The following KCNN3 variants were observed in gnomAD, a reference collection of about 807,000 sequenced individuals.
KCNN3 encodes potassium calcium-activated channel subfamily N member 3.
KCNN3 carries 16 observed loss-of-function variants against 62.9 expected under a neutral mutation model. That is an observed-to-expected ratio of 0.25 (90% CI 0.17 to 0.39). The LOEUF (loss-of-function observed/expected upper bound fraction) is 0.39. Among genes scored for constraint, KCNN3 ranks in the 10% least tolerant of loss-of-function variants. The probability of loss-of-function intolerance (pLI) is 1.00; values close to 1 mark genes in which losing one functional copy is unlikely to be tolerated. For synonymous variants in KCNN3, 370 were observed against 389.2 expected (o/e 0.95, Z 0.58); for missense variants, 599 against 949.4 (o/e 0.63, Z 4.85).
At chr1:154,777,224 C>T (rs1243791654) in intron 2 of KCNN3, among the ~76,000 whole-genome samples, 1 of 151,916 alleles carries the variant, frequency 6.6e-6, no homozygotes, top group African/African-American at 2.4e-5. Flanking sequence ...GACCCTCTTG[C>T]TCGCACCTCC....
chr1:154,713,462 A>G lies in KCNN3; in HGVS notation c.1899+2T>C. ...GGGATGTCTCCAGACACTGCCACTC[A>G]CCTTGGAAAGGTCCACCAGAGTGTT... On this transcript the variant is annotated splice_donor_variant, in intron 7 of 7. Coordinates refer to ENST00000271915, the MANE Select transcript of KCNN3 (RefSeq NM_002249.6). LOFTEE classifies it high-confidence loss of function. The G allele has an allele frequency of 6.2e-7, 1 of 1,612,606 alleles. No homozygotes were observed. Among genetic ancestry groups the G allele is most frequent in the Non-Finnish European group, 8.5e-7 (1 of 1,178,640 alleles).
intron 6 of KCNN3, among the ~76,000 whole-genome samples, chr1:154,714,161 T>A (rs866091665): frequency 1.8e-4 from 21 of 115,518 alleles, no homozygotes; most frequent in Admixed American, 7.3e-4. Flanking sequence ...GTATGTATGG[T>A]GTGTGTGATG....
At position 154,703,302 on chromosome 1, in the gene KCNN3, T is replaced by C. The variant is rs1557931687; in HGVS notation, c.*4674A>G. The C allele has an allele frequency of 1.3e-5, 2 of 152,154 alleles. No individual in the cohort carries two copies. Among genetic ancestry groups the C allele is most frequent in the African/African-American group, 2.4e-5 (1 of 41,426 alleles). The allele number at this position is 152,154 out of a possible 1,614,324, so 9.4% of individuals were successfully genotyped here. A position where few individuals can be genotyped will look rare whatever the true frequency, so the allele number is the denominator to read the frequency against. ...GATCCCATTTCCCTAATGTTTATTTTGGCGGCAGTAGAGAAGGAAAGGATA... is the reference window on the plus strand; with the variant it reads ...GATCCCATTTCCCTAATGTTTATTTCGGCGGCAGTAGAGAAGGAAAGGATA... On this transcript the variant is annotated 3_prime_UTR_variant, in exon 8 of 8. Coordinates refer to ENST00000271915, the MANE Select transcript of KCNN3 (RefSeq NM_002249.6).
chr1:154,777,620 T>A (rs552909542), intron 2 of KCNN3, among the ~76,000 whole-genome samples: 20 of 152,244 alleles, frequency 1.3e-4, no homozygotes, highest in Middle Eastern at 3.4e-3. Flanking sequence ...GGAACCAGGA[T>A]CTTGAGTAGC....
At chr1:154,762,553 G>A (rs538469008) in intron 3 of KCNN3, among the ~76,000 whole-genome samples, 1 of 151,944 alleles carries the variant, frequency 6.6e-6, no homozygotes, top group East Asian at 1.9e-4. Context: ...TGTATAATAG[G>A]GATATTTACC....
chr1:154,765,775 T>C (rs1648234453), intron 3 of KCNN3, among the ~76,000 whole-genome samples: 1 of 151,360 alleles, frequency 6.6e-6, no homozygotes, highest in Non-Finnish European at 1.5e-5. Context: ...GCACCACCAC[T>C]CCCGGCTAAT....
At chr1:154,845,928 C>T (rs1358700234) in intron 1 of KCNN3, among the ~76,000 whole-genome samples, 9 of 152,190 alleles carry the variant, frequency 5.9e-5, no homozygotes, top group Non-Finnish European at 8.8e-5. Context: ...CCTTCCCCAA[C>T]GCCCTACCAG....
intron 1 of KCNN3, among the ~76,000 whole-genome samples, chr1:154,861,275 C>T (rs1407656443): frequency 6.6e-6 from 1 of 152,062 alleles, no homozygotes; most frequent in Non-Finnish European, 1.5e-5. Flanking sequence ...AACTACCAAG[C>T]CTGGCCACCT....
At chr1:154,755,071 C>T (rs1331496889) in intron 3 of KCNN3, among the ~76,000 whole-genome samples, 2 of 152,180 alleles carry the variant, frequency 1.3e-5, no homozygotes, top group Admixed American at 1.3e-4. Context: ...GCTGCAGTAG[C>T]CTTTTTAGTC....
chr1:154,729,697 T>C (rs1006967838), intron 4 of KCNN3, among the ~76,000 whole-genome samples: 2 of 152,230 alleles, frequency 1.3e-5, no homozygotes, highest in Admixed American at 6.5e-5. Context: ...ACAGATTCCA[T>C]GCAACAACTA....
intron 3 of KCNN3, among the ~76,000 whole-genome samples, chr1:154,745,118 T>C (rs1055146207): frequency 3.9e-5 from 6 of 152,066 alleles, no homozygotes; most frequent in Admixed American, 3.3e-4. Context: ...TTTTCAAGAG[T>C]TGGCTTTGAA....
chr1:154,736,038 T>C (rs1191987264), intron 3 of KCNN3, among the ~76,000 whole-genome samples: 1 of 152,160 alleles, frequency 6.6e-6, no homozygotes, highest in Non-Finnish European at 1.5e-5. Context: ...AGAAATGTGG[T>C]TGAGGCAGTT....
chr1:154,844,331 T>C (rs1382348388), intron 1 of KCNN3, among the ~76,000 whole-genome samples: 2 of 152,238 alleles, frequency 1.3e-5, no homozygotes, highest in African/African-American at 4.8e-5. Flanking sequence ...TGTCCTTCTT[T>C]CATTAGACAT....
chr1:154,848,319 T>C (rs944968778), intron 1 of KCNN3, among the ~76,000 whole-genome samples: 1 of 152,162 alleles, frequency 6.6e-6, no homozygotes, highest in Admixed American at 6.5e-5. Context: ...ACAAGCTGCC[T>C]GCCTCCCCAG....
At chr1:154,863,224 A>C (rs1194708929) in intron 1 of KCNN3, among the ~76,000 whole-genome samples, 29 of 151,704 alleles carry the variant, frequency 1.9e-4, no homozygotes, top group Non-Finnish European at 1.5e-5. Context: ...GTGGAATGAC[A>C]GGGTCGGGGG....
chr1:154,865,346 G>A (rs1421570603), intron 1 of KCNN3, among the ~76,000 whole-genome samples: 2 of 150,728 alleles, frequency 1.3e-5, no homozygotes, highest in Non-Finnish European at 2.9e-5. Flanking sequence ...GAGTAAACCT[G>A]CCTATTAAAA....
At chr1:154,847,231 A>C (rs1652109920) in intron 1 of KCNN3, among the ~76,000 whole-genome samples, 1 of 150,760 alleles carries the variant, frequency 6.6e-6, no homozygotes. Flanking sequence ...GGGAGCCTGC[A>C]CATCTCTCCA....
chr1:154,713,237 G>A (rs1158582875), intron 7 of KCNN3, among the ~76,000 whole-genome samples: 2 of 152,128 alleles, frequency 1.3e-5, no homozygotes, highest in Admixed American at 6.5e-5. Context: ...ACACCTGAGC[G>A]ATTTCACTTA....
At position 154,869,252 on chromosome 1, in the gene KCNN3, T is replaced by G. The variant is rs1653077752; in HGVS notation, c.713A>C (p.Asn238Thr). The change falls in exon 1 of 8, where the codon AAT becomes ACT. Residue 238 changes from asparagine (N) to threonine (T), a missense_variant. Asn to Thr is a moderately conservative substitution (Grantham distance 65). Transcript: ENST00000271915. The surrounding 1 kb of genome is among the most constrained non-coding windows in gnomAD (Gnocchi z 6.1). ...GGCATGCTGGTGGTTGTGGGTGGCA[T>G]TAGGGTGATGGAGCAGGGTCTGGTG... ...HAHQTLLHHP[N>T]ATHNHQHAGT... 2 of 1,612,568 alleles carry G rather than the reference T, an allele frequency of 1.2e-6. No homozygotes were observed. The highest frequency in any genetic ancestry group is 4.5e-5 in the East Asian group (2 of 44,772).
Sources: gnomAD v4.1 joint callset for allele counts (sites outside exome capture counted in the v4.1 genomes callset) on GRCh38, gnomAD v4.1.1 for gene constraint, Gnocchi (gnomAD v3.1) non-coding constraint, MANE v1.5 for transcripts, NCBI Gene and HGNC (gene_info 2026-07-23, HGNC 2026-07-21) for gene names.